Variants in CEP162 observed in about 807,000 individuals in gnomAD.
CEP162 encodes the protein centrosomal protein 162.
CEP162 carries 141 observed loss-of-function variants against 169.2 expected under a neutral mutation model. The observed-to-expected ratio is 0.83, with a 90% confidence interval of 0.73 to 0.96. CEP162 has a LOEUF of 0.96. Ranked by LOEUF, CEP162 falls within the 40% of genes least tolerant of loss-of-function variation. The pLI is 0.00. For missense variants in CEP162, 1,600 were observed against 1,587.2 expected (o/e 1.01, Z -0.14); for synonymous variants, 540 against 526.4 (o/e 1.03, Z -0.35).
Position 84,193,625 on chromosome 6 carries a change from C to G in CEP162, c.1093G>C (p.Asp365His), listed in dbSNP as rs779646506. 6 of 1,559,350 alleles carry G rather than the reference C, an allele frequency of 3.8e-6. 1 individual carries two copies. The highest frequency in any genetic ancestry group is 1.7e-4 in the Middle Eastern group (1 of 5,984). The change falls in exon 11 of 27, where the codon GAT becomes CAT. Residue 365 changes from aspartate to histidine, a missense_variant. Asp to His is a moderately conservative substitution (Grantham distance 81, BLOSUM62 -1). Coordinates refer to ENST00000403245, the MANE Select transcript of CEP162 (RefSeq NM_014895.4). Reference sequence around the variant, plus strand: ...AATTCATACCTGACAGGTTGTAAATCAAAACCACTGATCCCAAAGGAATCT... The same window carrying G: ...AATTCATACCTGACAGGTTGTAAATGAAAACCACTGATCCCAAAGGAATCT... ...RIDSFGISGF[D>H]LQPVSSEKVA...
intron 22 of CEP162, among the ~76,000 whole-genome samples, chr6:84,153,861 G>A (rs895116638): frequency 3.9e-5 from 6 of 152,094 alleles, no homozygotes; most frequent in Admixed American, 6.6e-5. Flanking sequence ...CAGCTACAAC[G>A]TCCCACAAGT....
rs1302161484 is a variant in CEP162 at position 84,200,801 on chromosome 6, T to C, written c.823A>G (p.Met275Val). ...RCLPEMTENEMTGTGVSYGQS... is the reference protein window; with the variant it reads ...RCLPEMTENEVTGTGVSYGQS... The stretch of plus-strand genomic sequence containing the variant: ...TAAACATTTTTACCTGTTCCTGTCA[T>C]TTCATTCTCAGTCATTTCTGGTAGG... The change falls in exon 9 of 27, where the codon ATG becomes GTG. Residue 275 changes from methionine (M) to valine (V), a missense_variant. By Grantham distance (21) the Met-to-Val change is conservative. Coordinates refer to ENST00000403245, the MANE Select transcript of CEP162 (RefSeq NM_014895.4). The C allele has an allele frequency of 1.3e-6, 2 of 1,591,316 alleles. No individual in the cohort carries two copies. Among genetic ancestry groups the C allele is most frequent in the African/African-American group, 1.3e-5 (1 of 74,494 alleles).
intron 24 of CEP162, among the ~76,000 whole-genome samples, chr6:84,148,175 C>T (rs2099519771): frequency 6.6e-6 from 1 of 152,076 alleles, no homozygotes; most frequent in Non-Finnish European, 1.5e-5. Context: ...ACGAAAGGCA[C>T]TTTAAGTATT....
chr6:84,173,487 A>G (rs1024186345), intron 16 of CEP162, among the ~76,000 whole-genome samples: 7 of 152,126 alleles, frequency 4.6e-5, no homozygotes, highest in Admixed American at 1.3e-4. Flanking sequence ...AAGAAACTGG[A>G]TTAGAAAGAT....
intron 18 of CEP162, among the ~76,000 whole-genome samples, chr6:84,167,677 T>G (rs1562034372): frequency 1.3e-5 from 2 of 152,194 alleles, no homozygotes; most frequent in Non-Finnish European, 2.9e-5. Context: ...TAATGTTATT[T>G]TTTTAGTTTG....
At chr6:84,218,330 G>A (rs1036801895) in intron 3 of CEP162, among the ~76,000 whole-genome samples, 12 of 152,160 alleles carry the variant, frequency 7.9e-5, no homozygotes, top group Admixed American at 2.0e-4. Context: ...AGCCTAAGAG[G>A]AAATAAGCCC....
At chr6:84,153,804 A>C (rs2099522008) in intron 22 of CEP162, among the ~76,000 whole-genome samples, 1 of 152,168 alleles carries the variant, frequency 6.6e-6, no homozygotes, top group African/African-American at 2.4e-5. Flanking sequence ...AGACTCAGTT[A>C]TTATTTTCAA....
chr6:84,187,270 T>C (rs2099537576), intron 11 of CEP162, among the ~76,000 whole-genome samples: 1 of 152,166 alleles, frequency 6.6e-6, no homozygotes, highest in Non-Finnish European at 1.5e-5. Flanking sequence ...TGCGGTTAAA[T>C]ATTGGCAAAC....
At chr6:84,137,599 GA>G (rs1424713956) in intron 25 of CEP162, among the ~76,000 whole-genome samples, 1 of 151,794 alleles carries the variant, frequency 6.6e-6, no homozygotes, top group Non-Finnish European at 1.5e-5. Context: ...CCTAATAATA[GA>G]AAAAATATGA....
chr6:84,195,721 C>T (rs1268880877), intron 9 of CEP162, among the ~76,000 whole-genome samples: 3 of 152,120 alleles, frequency 2.0e-5, no homozygotes, highest in Non-Finnish European at 4.4e-5. Flanking sequence ...ATTTTGAGGG[C>T]AATTTTCCAA....
At chr6:84,215,989 A>C in intron 3 of CEP162, 67 bp from the exon 4 acceptor site, 1 of 1,445,830 alleles carries the variant, frequency 6.9e-7, no homozygotes, top group Non-Finnish European at 9.1e-7. Context: ...CTATGACAAC[A>C]CAATAATAAT....
intron 11 of CEP162, among the ~76,000 whole-genome samples, chr6:84,189,365 G>T (rs1430224526): frequency 1.3e-5 from 2 of 152,196 alleles, no homozygotes; most frequent in Non-Finnish European, 2.9e-5. Flanking sequence ...AGGGAGGTGT[G>T]GAGGGAGAGG....
At chr6:84,125,869 C>T (rs1474806904) in intron 26 of CEP162, among the ~76,000 whole-genome samples, 3 of 152,122 alleles carry the variant, frequency 2.0e-5, no homozygotes, top group East Asian at 3.8e-4. Flanking sequence ...CCCAAGCAGA[C>T]TAATACACTG....
At chr6:84,179,941 C>G (rs954348554) in intron 13 of CEP162, among the ~76,000 whole-genome samples, 2 of 152,134 alleles carry the variant, frequency 1.3e-5, no homozygotes, top group African/African-American at 4.8e-5. Context: ...ACCATTCCTT[C>G]TGAAACTATT....
At chr6:84,186,659 A>G in intron 11 of CEP162, 36 bp from the exon 12 acceptor site, 1 of 1,526,570 alleles carries the variant, frequency 6.6e-7, no homozygotes, top group Non-Finnish European at 8.8e-7. Flanking sequence ...AATGAACCCT[A>G]TGTAACAGCT....
chr6:84,185,102 T>C, intron 13 of CEP162, 85 bp downstream of exon 13: 2 of 1,244,640 alleles, frequency 1.6e-6, no homozygotes, highest in South Asian at 3.0e-5. Flanking sequence ...AAATTGAATC[T>C]TACAAATGGA....
At chr6:84,138,162 C>T (rs866037371) in intron 25 of CEP162, among the ~76,000 whole-genome samples, 13 of 152,128 alleles carry the variant, frequency 8.5e-5, no homozygotes, top group Admixed American at 3.3e-4. Context: ...TCATCTGTGG[C>T]GATGTATAGT....
chr6:84,179,971 G>A (rs1437573498), intron 13 of CEP162, among the ~76,000 whole-genome samples: 1 of 152,002 alleles, frequency 6.6e-6, no homozygotes, highest in East Asian at 1.9e-4. Flanking sequence ...AGAAAAAGAG[G>A]GAATCTTCCC....
At chr6:84,150,792 G>A (rs1327538284) in intron 23 of CEP162, among the ~76,000 whole-genome samples, 1 of 152,228 alleles carries the variant, frequency 6.6e-6, no homozygotes, top group Admixed American at 6.6e-5. Flanking sequence ...TTTCCATTTG[G>A]TAGCAATATG....
Sources: allele counts gnomAD v4.1 joint callset (sites outside exome capture counted in the v4.1 genomes callset), GRCh38; gene constraint gnomAD v4.1.1; transcripts MANE v1.5; gene names NCBI Gene and HGNC (gene_info 2026-07-23, HGNC 2026-07-21).